Variants in TOR4A observed in about 807,000 individuals in gnomAD.
TOR4A encodes torsin-4A.
A neutral mutation model predicts 11.5 loss-of-function variants in TOR4A; 12 were observed. The observed-to-expected ratio is 1.04, with a 90% CI of 0.67 to 1.69. The LOEUF (loss-of-function observed/expected upper bound fraction) is 1.69, where lower values mean the gene tolerates loss of function less well. TOR4A is among the 40% of genes most tolerant of loss of function. The pLI, the probability that TOR4A is intolerant of heterozygous loss-of-function variation, is 0.00. For synonymous variants in TOR4A, 362 were observed against 307.4 expected (o/e 1.18, Z -1.86); for missense variants, 640 against 643.2 (o/e 0.99, Z 0.05).
rs748636208 is a variant in TOR4A at position 137,279,040 on chromosome 9, CCG to C, written c.357_358del (p.Gln120AlafsTer24). On this transcript the variant is annotated frameshift_variant, in exon 2 of 2. Transcript: ENST00000357503. LOFTEE classifies it high-confidence loss of function. ...ATCGGCCGCGCGTGGAGCACAGGAGCCGCGCGCAGCGCTGCCTTCTGCTGCTA... is the reference window on the plus strand; with the variant it reads ...ATCGGCCGCGCGTGGAGCACAGGAGCCGCGCAGCGCTGCCTTCTGCTGCTA... ...KYRPRVEHRS[R>X]AQRCLLLLVA... is the part of the protein sequence containing the mutation. 6.2e-7 allele frequency: 1 copy of C among 1,604,332 alleles called. No homozygotes were observed. The highest frequency in any genetic ancestry group is 8.5e-7 in the Non-Finnish European group (1 of 1,176,048).
chr9:137,279,737 C>T lies in TOR4A; in HGVS notation c.1048C>T (p.Arg350Trp), dbSNP rs779627310. The change falls in exon 2 of 2, where the codon CGG becomes TGG. Residue 350 changes from arginine (R) to tryptophan (W), a missense_variant. Coordinates refer to ENST00000357503, the MANE Select transcript of TOR4A (RefSeq NM_017723.3). ...LRASLLAVLS[R>W]EHPLWQAAAI... ...CGCCAGCCTGCTGGCTGTGCTGTCC[C>T]GGGAGCATCCGCTGTGGCAGGCCGC... 56 of 1,580,204 alleles carry T rather than the reference C, an allele frequency of 3.5e-5. No individual in the cohort carries two copies. The highest frequency in any genetic ancestry group is 4.6e-5 in the East Asian group (2 of 43,718).
At chr9:137,278,314 C>T (rs751513100) in intron 1 of TOR4A, among the ~76,000 whole-genome samples, 40 of 152,312 alleles carry the variant, frequency 2.6e-4, no homozygotes, top group Non-Finnish European at 4.0e-4. Flanking sequence ...CAGTGGGCGC[C>T]TGGGCGGCCA....
chr9:137,281,506 CG>C lies in TOR4A; in HGVS notation c.*1550del, dbSNP rs1564449088. ...CGCCCTGGTGGTTGGTGTCTGTGGT[CG>C]GGGGCGAGGGCCGTCTAGTGGAGAC... On this transcript the variant is annotated 3_prime_UTR_variant, in exon 2 of 2. Coordinates refer to ENST00000357503, the MANE Select transcript of TOR4A (RefSeq NM_017723.3). 6.1e-6 allele frequency: 1 copy of C among 162,660 alleles called. No individual in the cohort carries two copies. The allele number at this position is 162,660 out of a possible 1,614,324, so 10.1% of individuals were successfully genotyped here.
chr9:137,279,571 C>T lies in TOR4A; in HGVS notation c.882C>T (p.Ala294=), dbSNP rs1337126290. 1.9e-6 allele frequency: 3 copies of T among 1,579,964 alleles called. No homozygotes were observed. In the African/African-American group the frequency reaches 4.1e-5, roughly 21 times the overall value. Residue 294 remains alanine, a synonymous_variant, in exon 2 of 2, where the codon GCC becomes GCT. Coordinates refer to ENST00000357503, the MANE Select transcript of TOR4A (RefSeq NM_017723.3). ...QPQRSHHFHN[A]IYVLLSGAGG... ...AGCGCTCCCACCACTTCCACAACGC[C>T]ATCTACGTGCTCCTCAGTGGCGCGG...
chr9:137,278,994 A>T lies in TOR4A; in HGVS notation c.305A>T (p.Tyr102Phe), dbSNP rs754722062. Residue 102 changes from tyrosine to phenylalanine, a missense_variant, in exon 2 of 2, where the codon TAC becomes TTC. Transcript: ENST00000357503. ...KKRRRSRLVLYPETSRKYRPR... is the reference protein window; with the variant it reads ...KKRRRSRLVLFPETSRKYRPR... ...CGCCGGCGCAGCCGCCTGGTGCTTTACCCGGAGACCTCGCGCAAGTATCGG... is the reference window on the plus strand; with the variant it reads ...CGCCGGCGCAGCCGCCTGGTGCTTTTCCCGGAGACCTCGCGCAAGTATCGG... 6 of 1,606,802 alleles carry T rather than the reference A, an allele frequency of 3.7e-6. No individual in the cohort carries two copies. The highest frequency in any genetic ancestry group is 5.1e-6 in the Non-Finnish European group (6 of 1,177,628).
In TOR4A at chr9:137,280,296, A is replaced by G; in HGVS notation, c.*335A>G. On this transcript the variant is annotated 3_prime_UTR_variant, in exon 2 of 2. Coordinates refer to ENST00000357503, the MANE Select transcript of TOR4A (RefSeq NM_017723.3). Reference sequence around the variant, plus strand: ...CTCAGGGCCAACAATTCCCGGGGTCACACAGCTGGGACGTGACCCCGCCTC... The same window carrying G: ...CTCAGGGCCAACAATTCCCGGGGTCGCACAGCTGGGACGTGACCCCGCCTC... 2.6e-6 allele frequency: 1 copy of G among 381,468 alleles called. No individual in the cohort carries two copies. Among genetic ancestry groups the G allele is most frequent in the Non-Finnish European group, 5.0e-6 (1 of 201,240 alleles). The allele number at this position is 381,468 out of a possible 1,614,324, so 23.6% of individuals were successfully genotyped here.
chr9:137,282,029 C>T lies in TOR4A; in HGVS notation c.*2068C>T, dbSNP rs1830725613. On this transcript the variant is annotated 3_prime_UTR_variant, in exon 2 of 2. Coordinates refer to ENST00000357503, the MANE Select transcript of TOR4A (RefSeq NM_017723.3). ...GAATGTTGGGGTGCCCACTGCTCCC[C>T]AGGCAGGACCCCCAGGACTGTCAGC... The T allele has an allele frequency of 6.0e-6, 1 of 167,132 alleles. No individual in the cohort carries two copies. The highest frequency in any genetic ancestry group is 1.5e-5 in the Non-Finnish European group (1 of 68,162). 10.4% of individuals were successfully genotyped at this position (167,132 alleles called of 1,614,324 possible).
rs1830688865 is a variant in TOR4A, at chr9:137,279,493, G to A, written c.804G>A (p.Val268=). 1 of 1,571,182 alleles carries A rather than the reference G, an allele frequency of 6.4e-7. No homozygotes were observed. The highest frequency in any genetic ancestry group is 8.6e-7 in the Non-Finnish European group (1 of 1,160,550). ...EKTPLLVLDD[V]ELMPRPLLDE... is the part of the protein sequence containing the mutation. ...CCCCACTCTTGGTGCTGGACGACGT[G>A]GAGCTCATGCCGCGGCCGCTGCTGG... The change falls in exon 2 of 2, where the codon GTG becomes GTA. Residue 268 remains valine (V), a synonymous_variant. Coordinates refer to ENST00000357503, the MANE Select transcript of TOR4A (RefSeq NM_017723.3).
chr9:137,281,253 G>A lies in TOR4A; in HGVS notation c.*1292G>A, dbSNP rs1830714618. 1 of 165,200 alleles carries A rather than the reference G, an allele frequency of 6.1e-6. No individual in the cohort carries two copies. The highest frequency in any genetic ancestry group is 2.4e-5 in the African/African-American group (1 of 41,468). 10.2% of individuals were successfully genotyped at this position (165,200 alleles called of 1,614,324 possible). A position where few individuals can be genotyped will look rare whatever the true frequency, so the allele number is the denominator to read the frequency against. On this transcript the variant is annotated 3_prime_UTR_variant, in exon 2 of 2. Coordinates refer to ENST00000357503, the MANE Select transcript of TOR4A (RefSeq NM_017723.3). ...GCCGGTGCGGGGCGCCGTCGAGGTG[G>A]GGGCACCGCGAAGGTGGAGGCGGGG...
Position 137,278,729 on chromosome 9 carries a change from G to GC in TOR4A, c.46dup (p.Arg16ProfsTer129). The GC allele has an allele frequency of 6.5e-6, 9 of 1,374,056 alleles. No homozygotes were observed. Among genetic ancestry groups the GC allele is most frequent in the Admixed American group, 3.6e-5 (1 of 27,512 alleles). 85.1% of individuals were successfully genotyped at this position (1,374,056 alleles called of 1,614,324 possible). On this transcript the variant is annotated frameshift_variant, in exon 2 of 2. Transcript: ENST00000357503. LOFTEE classifies it high-confidence loss of function. ...GCCCAGCCTGGAGCCTGCTGCCGCG[G>GC]CCCCCCGAGCCTCGGGCCGGTGCGT...
rs947066987 is a variant in TOR4A, at chr9:137,279,327, C to T, written c.638C>T (p.Ser213Leu). The T allele has an allele frequency of 1.4e-5, 21 of 1,534,120 alleles. No homozygotes were observed. The East Asian group carries it at 2.0e-4, about 14-fold the overall frequency. ...VGRLLARHFR[S>L]VLEDSALVLQ... ...CGCCTGCTGGCGCGCCACTTCCGCT[C>T]GGTGCTGGAGGACAGCGCGCTCGTG... The change falls in exon 2 of 2, where the codon TCG becomes TTG. Residue 213 changes from serine to leucine, a missense_variant. Coordinates refer to ENST00000357503, the MANE Select transcript of TOR4A (RefSeq NM_017723.3).
chr9:137,279,024 G>T lies in TOR4A; in HGVS notation c.335G>T (p.Arg112Leu), dbSNP rs368741378. 2.5e-6 allele frequency: 4 copies of T among 1,604,764 alleles called. No homozygotes were observed. Among genetic ancestry groups the T allele is most frequent in the Non-Finnish European group, 3.4e-6 (4 of 1,176,532 alleles). ...GAGACCTCGCGCAAGTATCGGCCGC[G>T]CGTGGAGCACAGGAGCCGCGCGCAG... ...YPETSRKYRP[R>L]VEHRSRAQRC... The change falls in exon 2 of 2, where the codon CGC becomes CTC. Residue 112 changes from arginine (R) to leucine (L), a missense_variant. Coordinates refer to ENST00000357503, the MANE Select transcript of TOR4A (RefSeq NM_017723.3).
rs1330898612 is a variant in TOR4A, at chr9:137,281,246, CGAGGTGGGGGCACCGCGAAGGTG to C, written c.*1290_*1312del. The C allele has an allele frequency of 1.2e-5, 2 of 165,420 alleles. No individual in the cohort carries two copies. Among genetic ancestry groups the C allele is most frequent in the Admixed American group, 1.3e-4 (2 of 15,288 alleles). 10.2% of individuals were successfully genotyped at this position (165,420 alleles called of 1,614,324 possible). A position where few individuals can be genotyped will look rare whatever the true frequency, so the allele number is the denominator to read the frequency against. ...GTTTCACGCCGGTGCGGGGCGCCGTCGAGGTGGGGGCACCGCGAAGGTGGAGGCGGGGCCGCGCCGGAAGCCCC... is the reference window on the plus strand; with the variant it reads ...GTTTCACGCCGGTGCGGGGCGCCGTCGAGGCGGGGCCGCGCCGGAAGCCCC... On this transcript the variant is annotated 3_prime_UTR_variant, in exon 2 of 2. Transcript: ENST00000357503.
rs112239920 is a variant in TOR4A at position 137,282,362 on chromosome 9, G to A, written c.*2401G>A. The stretch of plus-strand genomic sequence containing the variant: ...ATTACAGGCGCCCGCCATCACGCCC[G>A]GGTAATTTTTTTGTATTGTTGGTAG... On this transcript the variant is annotated 3_prime_UTR_variant, in exon 2 of 2. Coordinates refer to ENST00000357503, the MANE Select transcript of TOR4A (RefSeq NM_017723.3). 0.13 allele frequency: 20,434 copies of A among 154,808 alleles called. 1,630 individuals are homozygous for A. Among genetic ancestry groups the A allele is most frequent in the East Asian group, 0.29 (1,523 of 5,166 alleles). The allele number at this position is 154,808 out of a possible 1,614,324, so 9.6% of individuals were successfully genotyped here. A position where few individuals can be genotyped will look rare whatever the true frequency, so the allele number is the denominator to read the frequency against.
chr9:137,281,718 CGGGGTG>C lies in TOR4A; in HGVS notation c.*1768_*1773del. On this transcript the variant is annotated 3_prime_UTR_variant, in exon 2 of 2. Coordinates refer to ENST00000357503, the MANE Select transcript of TOR4A (RefSeq NM_017723.3). Reference sequence around the variant, plus strand: ...AGTCTTGGGGAGGGGTCCGGCTCCACGGGGTGGGGGTGGGGGCTACCAGGAAACCTT... The same window carrying C: ...AGTCTTGGGGAGGGGTCCGGCTCCACGGGGTGGGGGCTACCAGGAAACCTT... 1 of 147,232 alleles carries C rather than the reference CGGGGTG, an allele frequency of 6.8e-6. No homozygotes were observed. 9.1% of individuals were successfully genotyped at this position (147,232 alleles called of 1,614,324 possible). A position where few individuals can be genotyped will look rare whatever the true frequency, so the allele number is the denominator to read the frequency against.
intron 1 of TOR4A, 93 bp from the exon 2 acceptor site, chr9:137,278,559 CA>C: frequency 2.1e-6 from 2 of 943,672 alleles, no homozygotes; most frequent in South Asian, 5.0e-5. Context: ...ACGGGACTCC[CA>C]GGGGGTAAGA....
rs1226597390 is a variant in TOR4A, at chr9:137,279,637, C to T, written c.948C>T (p.Ser316=). 2 of 1,559,790 alleles carry T rather than the reference C, an allele frequency of 1.3e-6. No homozygotes were observed. Among genetic ancestry groups the T allele is most frequent in the Non-Finnish European group, 1.7e-6 (2 of 1,157,914 alleles). ...CGCGCTTCGTGCTGCAGAACGCGTC[C>T]CGCGCGCTGCCCCTGCGCCCCGACG... ...EVTRFVLQNA[S]RALPLRPDGF... Residue 316 remains serine, a synonymous_variant, in exon 2 of 2, where the codon TCC becomes TCT. Coordinates refer to ENST00000357503, the MANE Select transcript of TOR4A (RefSeq NM_017723.3).
Position 137,280,570 on chromosome 9 carries a change from A to C in TOR4A, c.*609A>C, listed in dbSNP as rs1564448801. 6.0e-6 allele frequency: 1 copy of C among 166,910 alleles called. No homozygotes were observed. Among genetic ancestry groups the C allele is most frequent in the Non-Finnish European group, 1.5e-5 (1 of 68,224 alleles). The allele number at this position is 166,910 out of a possible 1,614,324, so 10.3% of individuals were successfully genotyped here. A position where few individuals can be genotyped will look rare whatever the true frequency, so the allele number is the denominator to read the frequency against. On this transcript the variant is annotated 3_prime_UTR_variant, in exon 2 of 2. Coordinates refer to ENST00000357503, the MANE Select transcript of TOR4A (RefSeq NM_017723.3). ...TCTCCCCCTCCTTCCTGGACCCCCC[A>C]ACCCCGGGCCCGCCAGCCCTGGCTT...
In TOR4A at chr9:137,279,908, G is replaced by A; in HGVS notation, c.1219G>A (p.Glu407Lys). 1 of 1,579,444 alleles carries A rather than the reference G, an allele frequency of 6.3e-7. No individual in the cohort carries two copies. The highest frequency in any genetic ancestry group is 1.3e-5 in the African/African-American group (1 of 74,410). The stretch of plus-strand genomic sequence containing the variant: ...CAGCTTCTACCGCGTGGCTGGCCGC[G>A]AGTTTGCCGTCACCGGCTGCAAGCA... ...QLSFYRVAGREFAVTGCKQVV... is the reference protein window; with the variant it reads ...QLSFYRVAGRKFAVTGCKQVV... The change falls in exon 2 of 2, where the codon GAG becomes AAG. Residue 407 changes from glutamate (E) to lysine (K), a missense_variant. Coordinates refer to ENST00000357503, the MANE Select transcript of TOR4A (RefSeq NM_017723.3).
Sources: gnomAD v4.1 joint callset for allele counts (sites outside exome capture counted in the v4.1 genomes callset) on GRCh38, gnomAD v4.1.1 for gene constraint, MANE v1.5 for transcripts, NCBI Gene and HGNC (gene_info 2026-07-23, HGNC 2026-07-21) for gene names.